The following ST18 variants were observed in gnomAD, a reference collection of about 807,000 sequenced individuals.
The protein encoded by ST18 is ST18 C2H2C-type zinc finger transcription factor.
In ST18, 50 loss-of-function variants were observed where a neutral mutation model predicts 110.0. The ratio of observed to expected loss-of-function variants is 0.45; its 90% CI spans 0.36 to 0.58. ST18 has a LOEUF of 0.58. Ranked by LOEUF, ST18 falls within the 20% of genes least tolerant of loss-of-function variation. The pLI is 0.00. For synonymous variants in ST18, 461 were observed against 452.4 expected, an observed-to-expected ratio of 1.02 and a Z score of -0.24; for missense variants, 1,306 against 1,280.1, an observed-to-expected ratio of 1.02 and a Z score of -0.31.
chr8:52,212,636 G>C (rs1234097520), intron 7 of ST18, among the ~76,000 whole-genome samples: 1 of 152,114 alleles, frequency 6.6e-6, no homozygotes, highest in Non-Finnish European at 1.5e-5. Flanking sequence ...AGGAAAAACA[G>C]CTTTGATTTT....
rs1385039407 is a variant in ST18 at position 52,245,982 on chromosome 8, T to C, written c.-464-15905A>G. On this transcript the variant is annotated intron_variant, in intron 2 of 25. Transcript: ENST00000689386. ...TCTTTCAAGTTACAACTTAAATGTA[T>C]AGATCAAACCCTAACAGAACAAATG... Among the ~76,000 whole-genome samples the C allele has an allele frequency of 2.0e-5, 3 of 152,164 alleles. No individual in the cohort carries two copies. In the East Asian group the frequency reaches 5.8e-4, roughly 29 times the overall value.
chr8:52,360,503 T>C (rs1272626283), intron 2 of ST18, among the ~76,000 whole-genome samples: 1 of 151,248 alleles, frequency 6.6e-6, no homozygotes, highest in East Asian at 2.0e-4. Flanking sequence ...CAACAAATAA[T>C]GCAAAAAAAA....
At chr8:52,367,675 T>C (rs1159850758) in intron 2 of ST18, among the ~76,000 whole-genome samples, 1 of 152,132 alleles carries the variant, frequency 6.6e-6, no homozygotes, top group Non-Finnish European at 1.5e-5. Context: ...ATACACCAAT[T>C]AGGGTTTGGT....
chr8:52,257,569 A>G (rs556499283), intron 2 of ST18, among the ~76,000 whole-genome samples: 1 of 152,114 alleles, frequency 6.6e-6, no homozygotes, highest in East Asian at 1.9e-4. Context: ...CTTATTGATT[A>G]TTTGTATATC....
At chr8:52,208,160 G>A (rs62501021) in intron 8 of ST18, among the ~76,000 whole-genome samples, 1 of 152,118 alleles carries the variant, frequency 6.6e-6, no homozygotes, top group Non-Finnish European at 1.5e-5. Flanking sequence ...GTGCCATGAA[G>A]AATATACAGT....
At chr8:52,366,213 C>T (rs1255050837) in intron 2 of ST18, among the ~76,000 whole-genome samples, 1 of 152,100 alleles carries the variant, frequency 6.6e-6, no homozygotes, top group Non-Finnish European at 1.5e-5. Context: ...CCACCTGTTC[C>T]CACTGCCCCT....
chr8:52,181,033 G>A (rs1159811269), intron 8 of ST18, among the ~76,000 whole-genome samples: 1 of 152,136 alleles, frequency 6.6e-6, no homozygotes, highest in Non-Finnish European at 1.5e-5. Flanking sequence ...TGTTCCTGAG[G>A]GTGGCCCTTT....
chr8:52,126,324 A>G (rs1286111810), intron 22 of ST18, among the ~76,000 whole-genome samples, 184 bp from the exon 23 acceptor site: 1 of 152,266 alleles, frequency 6.6e-6, no homozygotes, highest in East Asian at 1.9e-4. Flanking sequence ...GCCCTCAAAT[A>G]ATGTAAAATG....
intron 2 of ST18, among the ~76,000 whole-genome samples, chr8:52,314,338 T>C (rs571761983): frequency 2.4e-4 from 36 of 152,336 alleles, no homozygotes; most frequent in Non-Finnish European, 4.6e-4. Context: ...CATCCTTTAA[T>C]GGACCCAACA....
chr8:52,168,533 T>C (rs2073439503), intron 10 of ST18, among the ~76,000 whole-genome samples: 2 of 151,874 alleles, frequency 1.3e-5, no homozygotes, highest in Admixed American at 1.3e-4. Flanking sequence ...TATGGGGGCA[T>C]GGATTCAGCA....
chr8:52,133,403 C>A, intron 19 of ST18, 102 bp from the exon 20 acceptor site: 1 of 1,382,812 alleles, frequency 7.2e-7, no homozygotes. Context: ...ATTAATGTTC[C>A]AAGTCTCTGT....
intron 2 of ST18, among the ~76,000 whole-genome samples, chr8:52,336,203 C>T (rs1811980823): frequency 6.6e-6 from 1 of 152,106 alleles, no homozygotes; most frequent in Admixed American, 6.5e-5. Flanking sequence ...GGCTGGAGGG[C>T]AATGCCACAA....
intron 2 of ST18, among the ~76,000 whole-genome samples, chr8:52,287,980 C>T (rs994222982): frequency 6.6e-6 from 1 of 152,130 alleles, no homozygotes; most frequent in Non-Finnish European, 1.5e-5. Flanking sequence ...CTCAGAGGGT[C>T]GGGAAATATC....
intron 3 of ST18, among the ~76,000 whole-genome samples, chr8:52,222,897 C>G (rs937012217): frequency 1.3e-5 from 2 of 152,166 alleles, no homozygotes; most frequent in Non-Finnish European, 2.9e-5. Context: ...GCTCCCAGAA[C>G]TTGTAACAGA....
At chr8:52,140,611 G>C (rs1458981060) in intron 17 of ST18, among the ~76,000 whole-genome samples, 2 of 151,112 alleles carry the variant, frequency 1.3e-5, no homozygotes, top group Non-Finnish European at 2.9e-5. Flanking sequence ...GATGAACTAA[G>C]AGGCCTCTGA....
At chr8:52,180,414 G>T in intron 8 of ST18, 102 bp from the exon 9 acceptor site, 1 of 1,328,324 alleles carries the variant, frequency 7.5e-7, no homozygotes, top group Non-Finnish European at 1.0e-6. Flanking sequence ...GGAAACTTGG[G>T]ACTAGAGGTT....
At chr8:52,317,577 CCTGA>C (rs1361214911) in intron 2 of ST18, among the ~76,000 whole-genome samples, 3 of 152,202 alleles carry the variant, frequency 2.0e-5, no homozygotes, top group Non-Finnish European at 4.4e-5. Context: ...TATTGCTGGA[CCTGA>C]CTGTTTCTCC....
intron 2 of ST18, among the ~76,000 whole-genome samples, chr8:52,319,855 G>T (rs1453912725): frequency 2.0e-5 from 3 of 152,134 alleles, no homozygotes; most frequent in African/African-American, 7.2e-5. Context: ...CAACATGGTG[G>T]TCTCAGAATA....
intron 8 of ST18, 26 bp from the exon 9 acceptor site, chr8:52,180,338 A>C: frequency 6.2e-7 from 1 of 1,611,306 alleles, no homozygotes; most frequent in South Asian, 1.1e-5. Flanking sequence ...AAAATTAAGA[A>C]TATGGTAAAT....
Sources: allele counts gnomAD v4.1 joint callset (sites outside exome capture counted in the v4.1 genomes callset), GRCh38; gene constraint gnomAD v4.1.1; transcripts MANE v1.5; gene names NCBI Gene and HGNC (gene_info 2026-07-23, HGNC 2026-07-21).